Variants in PTGER3 observed in about 807,000 individuals in gnomAD.
PTGER3 encodes the protein prostaglandin E2 receptor EP3 subtype.
Under a neutral mutation model 34.7 loss-of-function variants are expected in PTGER3, and 22 were observed. That is an observed-to-expected ratio of 0.63 (90% CI 0.45 to 0.91). PTGER3 has a LOEUF of 0.91. Among genes scored for constraint, PTGER3 ranks in the 40% least tolerant of loss-of-function variants. The pLI, the probability that PTGER3 is intolerant of heterozygous loss-of-function variation, is 0.00. For missense variants in PTGER3, 468 were observed against 519.4 expected (o/e 0.90, Z 0.96); for synonymous variants, 241 against 230.1 (o/e 1.05, Z -0.43).
chr1:70,927,423 C>A (rs989398573), intron 4 of PTGER3, among the ~76,000 whole-genome samples: 1 of 152,024 alleles, frequency 6.6e-6, no homozygotes, highest in African/African-American at 2.4e-5. Context: ...ACAACCAATG[C>A]CATTATCCAA....
intron 3 of PTGER3, among the ~76,000 whole-genome samples, chr1:70,973,121 CGTGTGTGTGTGTGTGTGTGT>C (rs71898506): frequency 7.0e-6 from 1 of 143,852 alleles, no homozygotes; most frequent in Non-Finnish European, 1.5e-5. Flanking sequence ...CCAGTGTGCA[CGTGTGTGTGTGTGTGTGTGT>C]GTGTGTGTGT....
chr1:70,997,510 A>T (rs1415139296), intron 2 of PTGER3, among the ~76,000 whole-genome samples: 2 of 152,212 alleles, frequency 1.3e-5, no homozygotes, highest in Non-Finnish European at 2.9e-5. Context: ...TTCATATTCG[A>T]TGAAGTCAAT....
chr1:71,018,110 A>G (rs1182753226), intron 1 of PTGER3, among the ~76,000 whole-genome samples: 1 of 152,150 alleles, frequency 6.6e-6, no homozygotes, highest in East Asian at 1.9e-4. Flanking sequence ...TAATACAGCC[A>G]CCAAGATTAC....
chr1:70,875,467 T>C (rs1646253527), intron 4 of PTGER3, among the ~76,000 whole-genome samples: 2 of 152,226 alleles, frequency 1.3e-5, no homozygotes, highest in Admixed American at 1.3e-4. Context: ...TTTTCTTCTT[T>C]TTATTTTTTA....
At chr1:70,855,149 G>A (rs928517469) in intron 4 of PTGER3, among the ~76,000 whole-genome samples, 3 of 133,410 alleles carry the variant, frequency 2.2e-5, no homozygotes, top group Non-Finnish European at 3.5e-5. Context: ...CTTAAAAAGA[G>A]AAGGAAATTC....
At chr1:70,913,888 A>C (rs572170760) in intron 4 of PTGER3, among the ~76,000 whole-genome samples, 4 of 151,818 alleles carry the variant, frequency 2.6e-5, no homozygotes, top group Admixed American at 6.6e-5. Context: ...TTTAACAAAA[A>C]TGTTTGTGTC....
At chr1:70,855,277 A>C (rs1645776027) in intron 4 of PTGER3, among the ~76,000 whole-genome samples, 1 of 152,200 alleles carries the variant, frequency 6.6e-6, no homozygotes, top group Non-Finnish European at 1.5e-5. Context: ...AATTGGTCCA[A>C]CTCATAGAAA....
At chr1:70,963,725 T>C (rs1409707327) in intron 2 of PTGER3, among the ~76,000 whole-genome samples, 6 of 152,178 alleles carry the variant, frequency 3.9e-5, no homozygotes, top group African/African-American at 1.4e-4. Context: ...ATGGAGGGGC[T>C]ACCAGGAAGG....
At chr1:71,045,787 A>C (rs1215879478) in intron 1 of PTGER3, among the ~76,000 whole-genome samples, 4 of 152,014 alleles carry the variant, frequency 2.6e-5, no homozygotes, top group Non-Finnish European at 4.4e-5. Flanking sequence ...TCCGGATCCC[A>C]CTGACTGTCG....
chr1:70,927,756 G>C (rs77354154), intron 4 of PTGER3, among the ~76,000 whole-genome samples: 3,880 of 152,136 alleles, frequency 0.026, 184 homozygotes, highest in African/African-American at 0.089. Flanking sequence ...AACTCTCAGG[G>C]GGATAGAAGA....
intron 4 of PTGER3, among the ~76,000 whole-genome samples, chr1:70,879,824 A>T (rs537420037): frequency 6.6e-6 from 1 of 152,222 alleles, no homozygotes; most frequent in African/African-American, 2.4e-5. Context: ...GGCCAGGTGC[A>T]GTAGCTCACA....
chr1:70,888,119 G>A (rs1312225365), intron 4 of PTGER3, among the ~76,000 whole-genome samples: 1 of 152,210 alleles, frequency 6.6e-6, no homozygotes, highest in Admixed American at 6.5e-5. Context: ...TCCAAGCTGA[G>A]TTTCCAGGAG....
At chr1:71,020,229 A>G (rs1297865010) in intron 1 of PTGER3, among the ~76,000 whole-genome samples, 3 of 151,846 alleles carry the variant, frequency 2.0e-5, no homozygotes, top group East Asian at 3.9e-4. Context: ...CCTTATTTAA[A>G]CTGAAAACAT....
intron 4 of PTGER3, among the ~76,000 whole-genome samples, chr1:70,879,280 T>C (rs1186810169): frequency 6.9e-6 from 1 of 145,308 alleles, no homozygotes; most frequent in Non-Finnish European, 1.5e-5. Flanking sequence ...AGAGTCTCAC[T>C]CTGTCACCCA....
intron 4 of PTGER3, among the ~76,000 whole-genome samples, chr1:70,876,524 T>A (rs1343294070): frequency 6.6e-6 from 1 of 152,098 alleles, no homozygotes; most frequent in Non-Finnish European, 1.5e-5. Context: ...TCATAAACTA[T>A]CTGCCAGAGC....
chr1:71,045,215 G>T (rs1573020267), intron 1 of PTGER3, among the ~76,000 whole-genome samples: 1 of 152,034 alleles, frequency 6.6e-6, no homozygotes, highest in East Asian at 1.9e-4. Flanking sequence ...ACCAAACCAG[G>T]TTAAAGAAAT....
intron 1 of PTGER3, among the ~76,000 whole-genome samples, chr1:71,018,517 C>A (rs967589587): frequency 1.3e-5 from 2 of 152,068 alleles, no homozygotes; most frequent in Admixed American, 1.3e-4. Context: ...TTTTGCTTAT[C>A]TTTTTCAGTC....
At chr1:70,949,944 A>G (rs1453749110), downstream of PTGER3, among the ~76,000 whole-genome samples, 2 of 151,866 alleles carry the variant, frequency 1.3e-5, no homozygotes, top group Non-Finnish European at 2.9e-5. Context: ...CCAGATCAAC[A>G]TTAAGAATAT....
intron 4 of PTGER3, among the ~76,000 whole-genome samples, chr1:70,920,570 A>G (rs946374146): frequency 6.6e-6 from 1 of 152,202 alleles, no homozygotes; most frequent in Non-Finnish European, 1.5e-5. Context: ...TTGCATGTTG[A>G]CACATGGTAT....
Sources: allele counts gnomAD v4.1 joint callset (sites outside exome capture counted in the v4.1 genomes callset), GRCh38; gene constraint gnomAD v4.1.1; transcripts MANE v1.5; gene names NCBI Gene and HGNC (gene_info 2026-07-23, HGNC 2026-07-21).